Variants in CNTNAP3B observed in about 807,000 individuals in gnomAD.
CNTNAP3B encodes contactin-associated protein-like 3B.
CNTNAP3B carries 25 observed loss-of-function variants against 108.9 expected under a neutral mutation model. The observed-to-expected ratio is 0.23, with a 90% CI of 0.17 to 0.32. The LOEUF is 0.32. Ranked by LOEUF, CNTNAP3B falls within the 10% of genes least tolerant of loss-of-function variation. The pLI is 1.00. For synonymous variants in CNTNAP3B, 103 were observed against 473.4 expected (o/e 0.22, Z 10.16); for missense variants, 252 against 1,210.4 (o/e 0.21, Z 11.75).
Position 41,938,287 on chromosome 9 carries a change from C to G in CNTNAP3B, c.2194G>C (p.Asp732His). The change falls in exon 14 of 24, where the codon GAT becomes CAT. Residue 732 changes from aspartate (D) to histidine (H), a missense_variant. By Grantham distance (81) the Asp-to-His change is moderately conservative (BLOSUM62 -1). Transcript: ENST00000377561. ...CTCGLEGNCI[D>H]SQYYCNCDAG... Reference sequence around the variant, plus strand: ...TCACAGTTGCAGTAATACTGAGAATCAATGCAGTTCCCCTCTAATCCACAA... The same window carrying G: ...TCACAGTTGCAGTAATACTGAGAATGAATGCAGTTCCCCTCTAATCCACAA... The G allele has an allele frequency of 7.4e-7, 1 of 1,354,530 alleles. No individual in the cohort carries two copies. Among genetic ancestry groups the G allele is most frequent in the Non-Finnish European group, 1.0e-6 (1 of 979,066 alleles). The allele number at this position is 1,354,530 out of a possible 1,614,324, so 83.9% of individuals were successfully genotyped here.
intron 10 of CNTNAP3B, among the ~76,000 whole-genome samples, chr9:41,969,716 C>A (rs1364498932): frequency 6.7e-6 from 1 of 149,784 alleles, no homozygotes; most frequent in African/African-American, 2.5e-5. Context: ...CTCCCGGGTT[C>A]ATGCCATTCT....
intron 2 of CNTNAP3B, among the ~76,000 whole-genome samples, chr9:42,096,077 C>T (rs1372840445): frequency 7.2e-6 from 1 of 139,640 alleles, no homozygotes; most frequent in Non-Finnish European, 1.5e-5. Flanking sequence ...ATAACTGGGG[C>T]TGTCCTCACC....
At chr9:42,120,330 C>T (rs1474848724) in intron 1 of CNTNAP3B, among the ~76,000 whole-genome samples, 4 of 142,500 alleles carry the variant, frequency 2.8e-5, no homozygotes, top group African/African-American at 8.2e-5. Context: ...ACAACAGGTG[C>T]TGGAGAGGAT....
At chr9:41,927,738 C>G (rs1445408330) in intron 15 of CNTNAP3B, among the ~76,000 whole-genome samples, 2 of 152,216 alleles carry the variant, frequency 1.3e-5, no homozygotes, top group Admixed American at 1.3e-4. Flanking sequence ...AAATCAAAGA[C>G]CCAAACAAAA....
At chr9:41,966,578 C>T (rs554680211) in intron 10 of CNTNAP3B, among the ~76,000 whole-genome samples, 53 of 152,332 alleles carry the variant, frequency 3.5e-4, no homozygotes, top group South Asian at 1.2e-3. Context: ...CCAGTTGGAA[C>T]GCAGCACAGG....
chr9:41,953,307 G>C lies in CNTNAP3B; in HGVS notation c.1956C>G (p.Leu652=). ...CTGCGTACGCGAAGGACACAGCCGA[G>C]AGCGGGTGCCCGCTGGGGGCACCTC... The part of the protein sequence containing the change: ...TLRGAPSGHP[L]SAVSFAYAAG... Residue 652 remains leucine, a synonymous_variant, in exon 13 of 24, where the codon CTC becomes CTG. Coordinates refer to ENST00000377561, the MANE Select transcript of CNTNAP3B (RefSeq NM_001201380.3). The C allele has an allele frequency of 1.3e-6, 2 of 1,537,696 alleles. No homozygotes were observed. Among genetic ancestry groups the C allele is most frequent in the Non-Finnish European group, 1.7e-6 (2 of 1,149,954 alleles).
At chr9:41,947,424 T>C (rs1472748384) in intron 13 of CNTNAP3B, among the ~76,000 whole-genome samples, 2 of 152,148 alleles carry the variant, frequency 1.3e-5, no homozygotes, top group Non-Finnish European at 2.9e-5. Context: ...AAGCTACAGG[T>C]CAAAGAATAT....
At chr9:41,923,365 GT>G (rs1186514891) in intron 16 of CNTNAP3B, among the ~76,000 whole-genome samples, 1 of 150,974 alleles carries the variant, frequency 6.6e-6, no homozygotes, top group Non-Finnish European at 1.5e-5. Context: ...AATGTGATGA[GT>G]TTGGTTTAAA....
chr9:41,915,908 A>T (rs1823505164), intron 18 of CNTNAP3B, among the ~76,000 whole-genome samples: 1 of 151,104 alleles, frequency 6.6e-6, no homozygotes, highest in Non-Finnish European at 1.5e-5. Flanking sequence ...GATTGCTCTA[A>T]GCTTGCATTA....
chr9:42,016,988 T>C (rs1044889634), intron 3 of CNTNAP3B, among the ~76,000 whole-genome samples: 2 of 151,904 alleles, frequency 1.3e-5, no homozygotes, highest in African/African-American at 4.9e-5. Context: ...TTGATGTGGA[T>C]TCTCTGTCTT....
chr9:42,103,533 C>G (rs28570587), intron 2 of CNTNAP3B, among the ~76,000 whole-genome samples: 1 of 118,864 alleles, frequency 8.4e-6, no homozygotes, highest in African/African-American at 3.6e-5. Flanking sequence ...ACCACCTTGG[C>G]TAACATGGTG....
In CNTNAP3B at chr9:42,089,127, C is replaced by T. The variant is rs1176489020; in HGVS notation, c.197-12065G>A. On this transcript the variant is annotated intron_variant, in intron 2 of 23. Transcript: ENST00000377561. The stretch of plus-strand genomic sequence containing the variant: ...CAGTTACTTGGGACAAGGGTAATCC[C>T]AGCTGTTCAGGGAAAGGGAAAGGGA... Among the ~76,000 whole-genome samples the T allele has an allele frequency of 5.0e-4, 31 of 61,892 alleles. 11 individuals carry two copies. Among genetic ancestry groups the T allele is most frequent in the African/African-American group, 2.0e-3 (31 of 15,860 alleles). The allele number at this position is 61,892 out of a possible 152,430, so 40.6% of individuals were successfully genotyped here.
chr9:41,917,316 C>G (rs1319086966), intron 18 of CNTNAP3B, among the ~76,000 whole-genome samples: 1 of 142,494 alleles, frequency 7.0e-6, no homozygotes, highest in Non-Finnish European at 1.5e-5. Flanking sequence ...ACTTCCCTGG[C>G]TTAACTCATT....
At chr9:41,962,815 C>T (rs1330609286) in intron 11 of CNTNAP3B, among the ~76,000 whole-genome samples, 7 of 152,166 alleles carry the variant, frequency 4.6e-5, no homozygotes, top group South Asian at 2.1e-4. Context: ...ATTAGCCAGG[C>T]GTGGTGGCGG....
In CNTNAP3B at chr9:42,096,902, G is replaced by A. The variant is rs865994868; in HGVS notation, c.196+7727C>T. 3.6e-4 allele frequency among the ~76,000 whole-genome samples: 46 copies of A among 126,048 alleles called. 3 individuals carry two copies. In the Middle Eastern group the frequency reaches 0.011, roughly 30 times the overall value. The allele number at this position is 126,048 out of a possible 152,430, so 82.7% of individuals were successfully genotyped here. ...GATGGATTTTAGACATTCCTAGTCC[G>A]TAACAGTGGCATGAAACTTTTTTTT... On this transcript the variant is annotated intron_variant, in intron 2 of 23. Transcript: ENST00000377561.
intron 3 of CNTNAP3B, among the ~76,000 whole-genome samples, chr9:42,030,199 A>T (rs1439262153): frequency 3.9e-5 from 3 of 77,410 alleles, no homozygotes; most frequent in African/African-American, 1.9e-4. Flanking sequence ...TAAGCTAAAA[A>T]ATGATAGCCA....
At chr9:42,030,810 A>ATGTGTGC (rs1826508570) in intron 3 of CNTNAP3B, among the ~76,000 whole-genome samples, 2 of 79,822 alleles carry the variant, frequency 2.5e-5, no homozygotes, top group African/African-American at 1.0e-4. Flanking sequence ...AGAGAGAGAG[A>ATGTGTGC]GAGGAGAGAG....
intron 13 of CNTNAP3B, among the ~76,000 whole-genome samples, chr9:41,940,544 G>T (rs1381887711): frequency 2.0e-5 from 3 of 152,272 alleles, no homozygotes; most frequent in East Asian, 3.8e-4. Flanking sequence ...TTTAGGCCGG[G>T]TGCGGTGGCT....
intron 1 of CNTNAP3B, among the ~76,000 whole-genome samples, chr9:42,127,798 G>T (rs1402889477): frequency 7.2e-6 from 1 of 139,580 alleles, no homozygotes; most frequent in South Asian, 2.3e-4. Flanking sequence ...CACAGTGAGT[G>T]CATGAACCCA....
Sources: gnomAD v4.1 joint callset for allele counts (sites outside exome capture counted in the v4.1 genomes callset) on GRCh38, gnomAD v4.1.1 for gene constraint, MANE v1.5 for transcripts, NCBI Gene and HGNC (gene_info 2026-07-23, HGNC 2026-07-21) for gene names.